The following RAB19 variants were observed in gnomAD, a reference collection of about 807,000 sequenced individuals.
RAB19 encodes the protein ras-related protein Rab-19.
RAB19 carries 21 observed loss-of-function variants against 17.3 expected under a neutral mutation model. That is an observed-to-expected ratio of 1.21 (90% CI 0.86 to 1.74). The LOEUF (loss-of-function observed/expected upper bound fraction) is 1.74. Ranked by LOEUF, RAB19 falls within the 40% of genes most tolerant of loss-of-function variation. The probability of loss-of-function intolerance (pLI) is 0.00; values close to 1 mark genes in which losing one functional copy is unlikely to be tolerated. For synonymous variants in RAB19, 126 were observed against 110.4 expected (o/e 1.14, Z -0.88); for missense variants, 277 against 286.8 (o/e 0.97, Z 0.25).
chr7:140,420,986 G>T (rs28553284), intron 3 of RAB19, among the ~76,000 whole-genome samples: 23,613 of 151,082 alleles, frequency 0.16, 2,225 homozygotes, highest in African/African-American at 0.27. Flanking sequence ...TCCACCTCCC[G>T]GGTTCAAGCA....
At chr7:140,422,297 G>A (rs902653675) in intron 3 of RAB19, among the ~76,000 whole-genome samples, 24 of 152,088 alleles carry the variant, frequency 1.6e-4, no homozygotes, top group Non-Finnish European at 3.2e-4. Flanking sequence ...GCGGAGGCAG[G>A]AGAATCACTT....
chr7:140,411,894 T>A lies in RAB19; in HGVS notation c.222T>A (p.Ala74=). 1 of 1,614,192 alleles carries A rather than the reference T, an allele frequency of 6.2e-7. No individual in the cohort carries two copies. Among genetic ancestry groups the A allele is most frequent in the South Asian group, 1.1e-5 (1 of 91,084 alleles). The part of the protein sequence containing the change: ...KKVKMQVWDT[A]GQERFRTITQ... ...TCCAGATGCAGGTGTGGGACACAGC[T>A]GGCCAGGAGCGCTTCCGCACCATCA... Residue 74 remains alanine, a synonymous_variant, in exon 3 of 4, where the codon GCT becomes GCA. Coordinates refer to ENST00000537763, the MANE Select transcript of RAB19 (RefSeq NM_001008749.3).
At chr7:140,419,348 T>C (rs1157048842) in intron 3 of RAB19, among the ~76,000 whole-genome samples, 1 of 152,134 alleles carries the variant, frequency 6.6e-6, no homozygotes, top group Admixed American at 6.6e-5. Flanking sequence ...AGATTACAGG[T>C]GTGAGCCACT....
In RAB19 at chr7:140,411,160, G is replaced by C. The variant is rs182295002; in HGVS notation, c.202-714G>C. On this transcript the variant is annotated intron_variant, in intron 2 of 3. Transcript: ENST00000537763. Reference sequence around the variant, plus strand: ...CACGCCTGTAATCTCAGCACTTTGGGAGGCCGAGGCCAGCAGATCACAAGG... The same window carrying C: ...CACGCCTGTAATCTCAGCACTTTGGCAGGCCGAGGCCAGCAGATCACAAGG... 15 of 1,331,238 alleles carry C rather than the reference G, an allele frequency of 1.1e-5. No homozygotes were observed. The African/African-American group carries it at 2.2e-4, about 20-fold the overall frequency. The allele number at this position is 1,331,238 out of a possible 1,614,324, so 82.5% of individuals were successfully genotyped here.
rs1186345055 is a variant in RAB19 at position 140,404,115 on chromosome 7, A to C, written c.-126A>C. ...GCCAGAACTACACTTCCCACCAAGC[A>C]GCGAGGCAGGAGGAAGAAGGGGGCA... On this transcript the variant is annotated 5_prime_UTR_variant, in exon 1 of 4. Transcript: ENST00000537763. The C allele has an allele frequency of 6.6e-6, 1 of 152,596 alleles. No homozygotes were observed. Among genetic ancestry groups the C allele is most frequent in the Non-Finnish European group, 1.5e-5 (1 of 68,400 alleles). 9.5% of individuals were successfully genotyped at this position (152,596 alleles called of 1,614,324 possible).
rs1192947545 is a variant in RAB19, at chr7:140,427,448, G to A, written c.*1298G>A. Among the ~76,000 whole-genome samples the A allele has an allele frequency of 4.0e-5, 5 of 124,840 alleles. No homozygotes were observed. Among genetic ancestry groups the A allele is most frequent in the African/African-American group, 1.3e-4 (4 of 31,112 alleles). 81.9% of individuals were successfully genotyped at this position (124,840 alleles called of 152,430 possible). A position where few individuals can be genotyped will look rare whatever the true frequency, so the allele number is the denominator to read the frequency against. ...ATTACAGGCATGAGCCACCATGCCCGGCCCTTTTTTTTTTTTTTTTGAGAC... is the reference window on the plus strand; with the variant it reads ...ATTACAGGCATGAGCCACCATGCCCAGCCCTTTTTTTTTTTTTTTTGAGAC... On this transcript the variant is annotated 3_prime_UTR_variant, in exon 4 of 4. Transcript: ENST00000537763.
chr7:140,409,510 C>CG (rs1238496978), intron 2 of RAB19, among the ~76,000 whole-genome samples: 4 of 151,852 alleles, frequency 2.6e-5, no homozygotes, highest in Admixed American at 1.3e-4. Flanking sequence ...GCCTGGCCAA[C>CG]GGGGGGAAAC....
chr7:140,426,967 A>T lies in RAB19; in HGVS notation c.*817A>T, dbSNP rs1197418507. Among the ~76,000 whole-genome samples, 2 of 149,672 alleles carry T rather than the reference A, an allele frequency of 1.3e-5. No homozygotes were observed. Among genetic ancestry groups the T allele is most frequent in the Non-Finnish European group, 3.0e-5 (2 of 67,646 alleles). ...AGAGGTTCTCCCACCTCAGTCTCCC[A>T]AGTGGCTGGGACTACAGACACACGC... On this transcript the variant is annotated 3_prime_UTR_variant, in exon 4 of 4. Transcript: ENST00000537763.
At chr7:140,417,348 G>GC (rs1799479125) in intron 3 of RAB19, among the ~76,000 whole-genome samples, 1 of 151,500 alleles carries the variant, frequency 6.6e-6, no homozygotes, top group Non-Finnish European at 1.5e-5. Flanking sequence ...GCTGCAGTGA[G>GC]CTATGACTGA....
chr7:140,412,748 G>A (rs1799390243), intron 3 of RAB19, among the ~76,000 whole-genome samples: 1 of 150,948 alleles, frequency 6.6e-6, no homozygotes, highest in African/African-American at 2.4e-5. Context: ...TATCTAGTAG[G>A]TATATCTATT....
At chr7:140,410,972 G>A in intron 2 of RAB19, 3 of 1,367,798 alleles carry the variant, frequency 2.2e-6, no homozygotes, top group Non-Finnish European at 2.9e-6. Flanking sequence ...TTTAAAATCA[G>A]AACAGTTCGG....
intron 2 of RAB19, chr7:140,410,891 T>G: frequency 2.9e-6 from 4 of 1,359,328 alleles, no homozygotes; most frequent in Middle Eastern, 2.1e-4. Flanking sequence ...GAATTGGTGC[T>G]GCCGCTTGGG....
intron 2 of RAB19, among the ~76,000 whole-genome samples, chr7:140,408,450 G>T (rs1323907014): frequency 6.6e-6 from 1 of 151,746 alleles, no homozygotes. Context: ...TTGGGGGGGT[G>T]GGGGAGTGTA....
chr7:140,424,146 T>G (rs1181423528), intron 3 of RAB19, among the ~76,000 whole-genome samples: 1 of 129,138 alleles, frequency 7.7e-6, no homozygotes, highest in African/African-American at 2.9e-5. Flanking sequence ...TGAGCCACTG[T>G]GCCTGGCTGA....
chr7:140,426,290 TG>T lies in RAB19; in HGVS notation c.*143del. ...TCACCCCTAATCCTCCCAGTCTGGATGGGCCACACTTCTCCCTTGACTCACA... is the reference window on the plus strand; with the variant it reads ...TCACCCCTAATCCTCCCAGTCTGGATGGCCACACTTCTCCCTTGACTCACA... On this transcript the variant is annotated 3_prime_UTR_variant, in exon 4 of 4. Coordinates refer to ENST00000537763, the MANE Select transcript of RAB19 (RefSeq NM_001008749.3). 1.1e-6 allele frequency: 1 copy of T among 917,518 alleles called. No individual in the cohort carries two copies. Among genetic ancestry groups the T allele is most frequent in the South Asian group, 1.8e-5 (1 of 56,108 alleles). 56.8% of individuals were successfully genotyped at this position (917,518 alleles called of 1,614,324 possible). A position where few individuals can be genotyped will look rare whatever the true frequency, so the allele number is the denominator to read the frequency against.
At chr7:140,412,446 C>T (rs889736610) in intron 3 of RAB19, among the ~76,000 whole-genome samples, 6 of 151,700 alleles carry the variant, frequency 4.0e-5, no homozygotes, top group African/African-American at 9.7e-5. Flanking sequence ...AGCAACACTC[C>T]GTCGGGGGGA....
chr7:140,404,399 T>C (rs530682996), intron 1 of RAB19, 182 bp downstream of exon 1: 1 of 152,166 alleles, frequency 6.6e-6, no homozygotes, highest in Non-Finnish European at 1.5e-5. Flanking sequence ...TCAGCTCAAG[T>C]TACAGTGATA....
At position 140,427,390 on chromosome 7, in the gene RAB19, G is replaced by T. The variant is rs938708074; in HGVS notation, c.*1240G>T. Reference sequence around the variant, plus strand: ...GCTGGTCTTGAACTCCTGACCTCATGATCCACCCGTCTCGGCCTCCTAAAG... The same window carrying T: ...GCTGGTCTTGAACTCCTGACCTCATTATCCACCCGTCTCGGCCTCCTAAAG... On this transcript the variant is annotated 3_prime_UTR_variant, in exon 4 of 4. Transcript: ENST00000537763. Among the ~76,000 whole-genome samples, 17 of 150,122 alleles carry T rather than the reference G, an allele frequency of 1.1e-4. No individual in the cohort carries two copies. The South Asian group carries it at 1.3e-3, about 11-fold the overall frequency.
intron 2 of RAB19, among the ~76,000 whole-genome samples, chr7:140,411,399 C>CA (rs946045383): frequency 9.8e-4 from 149 of 151,528 alleles, no homozygotes; most frequent in African/African-American, 3.4e-3. Context: ...GACTCCATCT[C>CA]AAAAAAAATA....
Sources: gnomAD v4.1 joint callset for allele counts (sites outside exome capture counted in the v4.1 genomes callset) on GRCh38, gnomAD v4.1.1 for gene constraint, MANE v1.5 for transcripts, NCBI Gene and HGNC (gene_info 2026-07-23, HGNC 2026-07-21) for gene names.